Variants in MBNL2 observed in about 807,000 individuals in gnomAD.
The protein encoded by MBNL2 is muscleblind like splicing regulator 2.
MBNL2 carries 17 observed loss-of-function variants against 41.9 expected under a neutral mutation model. That is an observed-to-expected ratio of 0.41 (90% CI 0.28 to 0.61). The LOEUF (loss-of-function observed/expected upper bound fraction) is 0.61. MBNL2 is among the 20% of genes least tolerant of loss of function. The pLI is 0.35. For synonymous variants in MBNL2, 195 were observed against 182.9 expected, an observed-to-expected ratio of 1.07 and a Z score of -0.53; for missense variants, 336 against 505.6, an observed-to-expected ratio of 0.66 and a Z score of 3.22.
At chr13:97,195,991 G>A in the MBNL2 span, among the ~76,000 whole-genome samples, 9 of 152,140 alleles carry the variant, frequency 5.9e-5, no homozygotes, top group Admixed American at 5.2e-4. Flanking sequence ...TGCTGCATTC[G>A]TTTTAGCCTA....
At chr13:97,155,296 T>C in the MBNL2 span, among the ~76,000 whole-genome samples, 3 of 152,194 alleles carry the variant, frequency 2.0e-5, no homozygotes, top group East Asian at 5.8e-4. Context: ...TAATTTTTTT[T>C]AGTCCCAAAC....
At chr13:97,341,640 C>G (rs576618729) in intron 3 of MBNL2, among the ~76,000 whole-genome samples, 1 of 152,122 alleles carries the variant, frequency 6.6e-6, no homozygotes, top group Non-Finnish European at 1.5e-5. Flanking sequence ...AGTACTGAGC[C>G]AGGACCCCTC....
intron 2 of MBNL2, among the ~76,000 whole-genome samples, chr13:97,311,769 C>T (rs531462713): frequency 5.9e-5 from 9 of 151,976 alleles, no homozygotes; most frequent in Non-Finnish European, 8.8e-5. Flanking sequence ...GAGGAAATAC[C>T]GTTAAGGGGC....
At chr13:97,303,464 C>A (rs1806924998) in intron 2 of MBNL2, among the ~76,000 whole-genome samples, 1 of 152,188 alleles carries the variant, frequency 6.6e-6, no homozygotes, top group African/African-American at 2.4e-5. Flanking sequence ...GGGTCAGAGA[C>A]AATCAAAATG....
At chr13:97,390,658 A>G (rs2066328425) in intron 8 of MBNL2, among the ~76,000 whole-genome samples, 1 of 152,138 alleles carries the variant, frequency 6.6e-6, no homozygotes. Flanking sequence ...CTTGCACTTA[A>G]TAGTTTACCT....
At chr13:97,164,066 G>T in the MBNL2 span, among the ~76,000 whole-genome samples, 2 of 152,136 alleles carry the variant, frequency 1.3e-5, no homozygotes, top group African/African-American at 4.8e-5. Flanking sequence ...GAGTGCAGCG[G>T]CACAATCTTG....
chr13:97,142,595 A>T, the MBNL2 span, among the ~76,000 whole-genome samples: 1 of 152,186 alleles, frequency 6.6e-6, no homozygotes, highest in Non-Finnish European at 1.5e-5. Context: ...GGCTTGGAAG[A>T]GTCTATGGCT....
chr13:97,298,912 C>T (rs1360472446), intron 2 of MBNL2, among the ~76,000 whole-genome samples: 2 of 152,198 alleles, frequency 1.3e-5, no homozygotes, highest in Non-Finnish European at 2.9e-5. Flanking sequence ...TGCATTACAG[C>T]TCATTCTCAG....
intron 1 of MBNL2, among the ~76,000 whole-genome samples, chr13:97,236,137 C>G (rs1170217348): frequency 6.6e-6 from 1 of 152,112 alleles, no homozygotes; most frequent in Non-Finnish European, 1.5e-5. Flanking sequence ...ACTTATTTCC[C>G]TCTTTTTTTT....
At chr13:97,256,319 C>T (rs1478125116) in intron 1 of MBNL2, among the ~76,000 whole-genome samples, 2 of 150,638 alleles carry the variant, frequency 1.3e-5, no homozygotes, top group East Asian at 3.9e-4. Context: ...AAAAAAAAAA[C>T]TGCCAGCTTG....
At chr13:97,296,426 GA>G (rs1280301410) in intron 2 of MBNL2, among the ~76,000 whole-genome samples, 2 of 152,114 alleles carry the variant, frequency 1.3e-5, no homozygotes, top group African/African-American at 4.8e-5. Context: ...TTGAGTATCT[GA>G]AAGCTTTATC....
Position 97,334,520 on chromosome 13 carries a change from T to A in MBNL2, c.339+80T>A. 2.0e-6 allele frequency: 2 copies of A among 1,000,944 alleles called. No homozygotes were observed. Among genetic ancestry groups the A allele is most frequent in the Non-Finnish European group, 2.8e-6 (2 of 704,520 alleles). The allele number at this position is 1,000,944 out of a possible 1,614,324, so 62.0% of individuals were successfully genotyped here. On this transcript the variant is annotated intron_variant, in intron 3 of 8. Coordinates refer to ENST00000679496, the MANE Select transcript of MBNL2 (RefSeq NM_001382683.1). The surrounding 1 kb of genome is among the most constrained non-coding windows in gnomAD (Gnocchi z 5.3). ...GATGCCACGTTGACCTAGGGTGGCC[T>A]CTCTCCACTTTGTCACTTTGGTTAC...
chr13:97,197,369 T>A, the MBNL2 span, among the ~76,000 whole-genome samples: 1 of 152,354 alleles, frequency 6.6e-6, no homozygotes, highest in South Asian at 2.1e-4. Flanking sequence ...TACACATCTT[T>A]GGTTAAAAAT....
At chr13:97,345,158 C>T (rs1451210398) in intron 4 of MBNL2, among the ~76,000 whole-genome samples, 2 of 152,196 alleles carry the variant, frequency 1.3e-5, no homozygotes, top group African/African-American at 2.4e-5. Context: ...GTCAGTGAAA[C>T]AGTATTTCCT....
At chr13:97,145,216 T>C in the MBNL2 span, among the ~76,000 whole-genome samples, 1 of 152,238 alleles carries the variant, frequency 6.6e-6, no homozygotes, top group Non-Finnish European at 1.5e-5. Context: ...AAATTAACTT[T>C]GTTGCTTTAA....
At chr13:97,256,245 A>G (rs2047496237) in intron 1 of MBNL2, among the ~76,000 whole-genome samples, 1 of 152,032 alleles carries the variant, frequency 6.6e-6, no homozygotes, top group Admixed American at 6.6e-5. Context: ...GGTGACCTTG[A>G]TGGGCAGTGG....
chr13:97,355,098 A>G (rs2062871591), intron 5 of MBNL2, among the ~76,000 whole-genome samples: 1 of 152,234 alleles, frequency 6.6e-6, no homozygotes, highest in Non-Finnish European at 1.5e-5. Context: ...AGTTACATGC[A>G]AGGAAAGAAT....
intron 2 of MBNL2, among the ~76,000 whole-genome samples, chr13:97,318,426 G>T (rs2059234597): frequency 6.6e-6 from 1 of 151,994 alleles, no homozygotes; most frequent in African/African-American, 2.4e-5. Context: ...TGTCAAATAG[G>T]GATATTAAGA....
At chr13:97,286,828 A>G (rs1490651380) in intron 2 of MBNL2, among the ~76,000 whole-genome samples, 1 of 152,190 alleles carries the variant, frequency 6.6e-6, no homozygotes, top group Non-Finnish European at 1.5e-5. Flanking sequence ...GTTTGCTCAC[A>G]AAAGCACCCC....
Sources: gnomAD v4.1 joint callset for allele counts (sites outside exome capture counted in the v4.1 genomes callset) on GRCh38, gnomAD v4.1.1 for gene constraint, Gnocchi (gnomAD v3.1) non-coding constraint, MANE v1.5 for transcripts, NCBI Gene and HGNC (gene_info 2026-07-23, HGNC 2026-07-21) for gene names.